RNF152: variants seen among roughly 807,000 people sequenced by gnomAD.
RNF152 encodes E3 ubiquitin-protein ligase RNF152.
RNF152 carries 11 observed loss-of-function variants against 12.7 expected under a neutral mutation model. The observed-to-expected ratio is 0.86, with a 90% CI of 0.54 to 1.43. The LOEUF (loss-of-function observed/expected upper bound fraction) is 1.43, where lower values mean the gene tolerates loss of function less well. RNF152 is among the 40% of genes most tolerant of loss of function. The probability of loss-of-function intolerance (pLI) is 0.00; values close to 1 mark genes in which losing one functional copy is unlikely to be tolerated. For synonymous variants in RNF152, 113 were observed against 120.3 expected, an observed-to-expected ratio of 0.94 and a Z score of 0.40; for missense variants, 255 against 274.8, an observed-to-expected ratio of 0.93 and a Z score of 0.51.
chr18:61,848,249 CCT>C (rs1391313913), intron 1 of RNF152, among the ~76,000 whole-genome samples: 10 of 151,960 alleles, frequency 6.6e-5, no homozygotes, highest in Non-Finnish European at 1.5e-5. Context: ...TCTCCCTCTC[CCT>C]CTCTCTCTGA....
rs1017722329 is a variant in RNF152 at position 61,892,895 on chromosome 18, AT to A, written c.-237del. 6.6e-6 allele frequency: 1 copy of A among 152,250 alleles called. No homozygotes were observed. Among genetic ancestry groups the A allele is most frequent in the Non-Finnish European group, 1.5e-5 (1 of 68,104 alleles). 9.4% of individuals were successfully genotyped at this position (152,250 alleles called of 1,614,324 possible). A position where few individuals can be genotyped will look rare whatever the true frequency, so the allele number is the denominator to read the frequency against. On this transcript the variant is annotated 5_prime_UTR_variant, in exon 1 of 2. Transcript: ENST00000312828. Reference sequence around the variant, plus strand: ...AAGAGGCTGACAGGCAGGAAACACAATTGAGACTGAGCTTTCTTCAGCCTGC... The same window carrying A: ...AAGAGGCTGACAGGCAGGAAACACAATGAGACTGAGCTTTCTTCAGCCTGC...
At chr18:61,836,755 A>G (rs965240385) in intron 1 of RNF152, among the ~76,000 whole-genome samples, 2 of 152,194 alleles carry the variant, frequency 1.3e-5, no homozygotes, top group African/African-American at 4.8e-5. Context: ...CTCCATAGTA[A>G]CACTCAAAGG....
rs1913021330 is a variant in RNF152, at chr18:61,892,811, G to A, written c.-152C>T. 1.3e-5 allele frequency: 2 copies of A among 152,200 alleles called. No individual in the cohort carries two copies. The highest frequency in any genetic ancestry group is 4.1e-4 in the South Asian group (2 of 4,820). 9.4% of individuals were successfully genotyped at this position (152,200 alleles called of 1,614,324 possible). ...GGGGGTTACCTGTATCTGTCACCGA[G>A]TCTCTTTCACCCCTTCTGCGTGATG... is the stretch of plus-strand genomic sequence containing the variant. On this transcript the variant is annotated 5_prime_UTR_variant, in exon 1 of 2. Transcript: ENST00000312828.
At chr18:61,832,500 C>A (rs574099699) in intron 1 of RNF152, among the ~76,000 whole-genome samples, 15 of 152,240 alleles carry the variant, frequency 9.9e-5, no homozygotes, top group African/African-American at 3.6e-4. Context: ...TACGCATACC[C>A]TGTAGAATTA....
In RNF152 at chr18:61,814,252, A is replaced by T. The variant is rs1908956545; in HGVS notation, c.*1600T>A. ...AAATAAATTAAATTGTCTTGACCTC[A>T]CAGGGCTATTTTCTAGCCTTGCTTT... On this transcript the variant is annotated 3_prime_UTR_variant, in exon 2 of 2. Transcript: ENST00000312828. 1.3e-5 allele frequency: 2 copies of T among 152,198 alleles called. No individual in the cohort carries two copies. The highest frequency in any genetic ancestry group is 4.8e-5 in the African/African-American group (2 of 41,458). 9.4% of individuals were successfully genotyped at this position (152,198 alleles called of 1,614,324 possible).
chr18:61,840,615 G>C (rs569206589), intron 1 of RNF152, among the ~76,000 whole-genome samples: 13 of 152,246 alleles, frequency 8.5e-5, no homozygotes, highest in Admixed American at 7.2e-4. Context: ...CAGGGAGCCT[G>C]AGAACTAGTC....
intron 1 of RNF152, among the ~76,000 whole-genome samples, chr18:61,839,683 C>G (rs1008556342): frequency 6.6e-6 from 1 of 152,138 alleles, no homozygotes; most frequent in South Asian, 2.1e-4. Flanking sequence ...ATCACAAGGT[C>G]GGGAGATCGA....
intron 1 of RNF152, chr18:61,890,423 C>G (rs1599333136): frequency 6.6e-6 from 1 of 152,266 alleles, no homozygotes; most frequent in Non-Finnish European, 1.5e-5. Context: ...CTTCCCGATG[C>G]TGCAATGATC....
At chr18:61,863,163 C>T (rs2144720459) in intron 1 of RNF152, among the ~76,000 whole-genome samples, 1 of 152,218 alleles carries the variant, frequency 6.6e-6, no homozygotes, top group East Asian at 1.9e-4. Flanking sequence ...TAGCCAGGCG[C>T]GGTGGCTCAC....
rs552091117 is a variant in RNF152 at position 61,830,025 on chromosome 18, C to CT, written c.-135-13428dup. On this transcript the variant is annotated intron_variant, in intron 1 of 1. Coordinates refer to ENST00000312828, the MANE Select transcript of RNF152 (RefSeq NM_173557.3). ...GTCCCCATCTATTTCCAGAGAGCTTCTTTTTTTTTTTTTTGAGACAGAGTC... is the reference window on the plus strand; with the variant it reads ...GTCCCCATCTATTTCCAGAGAGCTTCTTTTTTTTTTTTTTTGAGACAGAGTC... 6.1e-3 allele frequency among the ~76,000 whole-genome samples: 875 copies of CT among 143,276 alleles called. 8 individuals carry two copies. The highest frequency in any genetic ancestry group is 6.5e-3 in the African/African-American group (256 of 39,084). 94.0% of individuals were successfully genotyped at this position (143,276 alleles called of 152,430 possible). A position where few individuals can be genotyped will look rare whatever the true frequency, so the allele number is the denominator to read the frequency against.
chr18:61,856,741 T>C (rs1000066455), intron 1 of RNF152, among the ~76,000 whole-genome samples: 9 of 151,994 alleles, frequency 5.9e-5, no homozygotes, highest in African/African-American at 2.2e-4. Context: ...AAATGAAAAG[T>C]GGATTCACAG....
Position 61,874,844 on chromosome 18 carries a change from C to G in RNF152, c.-136+17951G>C, listed in dbSNP as rs914941146. Among the ~76,000 whole-genome samples, 4 of 152,230 alleles carry G rather than the reference C, an allele frequency of 2.6e-5. 1 individual carries two copies. Among genetic ancestry groups the G allele is most frequent in the African/African-American group, 9.6e-5 (4 of 41,538 alleles). ...ATTTCCATAGTGTATTTTATTTCAG[C>G]TGGGGTTTTTTACAACTTAGATGAA... On this transcript the variant is annotated intron_variant, in intron 1 of 1. Coordinates refer to ENST00000312828, the MANE Select transcript of RNF152 (RefSeq NM_173557.3).
intron 1 of RNF152, among the ~76,000 whole-genome samples, chr18:61,817,406 C>T (rs1477358121): frequency 6.6e-6 from 1 of 152,200 alleles, no homozygotes; most frequent in Non-Finnish European, 1.5e-5. Flanking sequence ...ATGAACAACA[C>T]AGGTTTGAAC....
At chr18:61,831,187 T>C (rs991194708) in intron 1 of RNF152, among the ~76,000 whole-genome samples, 1 of 152,244 alleles carries the variant, frequency 6.6e-6, no homozygotes, top group African/African-American at 2.4e-5. Flanking sequence ...GAAGCGGTTC[T>C]GTGCACCAGG....
chr18:61,882,023 T>A (rs987559698), intron 1 of RNF152, among the ~76,000 whole-genome samples: 9 of 152,236 alleles, frequency 5.9e-5, no homozygotes, highest in African/African-American at 1.9e-4. Context: ...AAACTACAGT[T>A]GAGCATTCAA....
rs1311952238 is a variant in RNF152, at chr18:61,816,097, G to A, written c.367C>T (p.Pro123Ser). 1 of 1,614,136 alleles carries A rather than the reference G, an allele frequency of 6.2e-7. No individual in the cohort carries two copies. The highest frequency in any genetic ancestry group is 2.2e-5 in the East Asian group (1 of 44,872). Residue 123 changes from proline to serine, a missense_variant, in exon 2 of 2, where the codon CCC becomes TCC. By Grantham distance (74) the Pro-to-Ser change is moderately conservative (BLOSUM62 -1). Transcript: ENST00000312828. ...LPGDMGCRLL[P>S]GSQQKSVTVV... ...GTGACGGACTTCTGCTGGCTCCCGGGCAGCAGGCGGCAGCCCATGTCTCCG... is the reference window on the plus strand; with the variant it reads ...GTGACGGACTTCTGCTGGCTCCCGGACAGCAGGCGGCAGCCCATGTCTCCG...
At chr18:61,847,663 A>G (rs1910794541) in intron 1 of RNF152, among the ~76,000 whole-genome samples, 1 of 152,212 alleles carries the variant, frequency 6.6e-6, no homozygotes, top group Admixed American at 6.5e-5. Context: ...CACTGACAAC[A>G]GTCATGCGTT....
At chr18:61,874,741 T>C (rs1912140471) in intron 1 of RNF152, among the ~76,000 whole-genome samples, 1 of 152,220 alleles carries the variant, frequency 6.6e-6, no homozygotes, top group Non-Finnish European at 1.5e-5. Flanking sequence ...TTTAACTACT[T>C]GGGTTTAGGG....
chr18:61,875,265 G>A lies in RNF152; in HGVS notation c.-136+17530C>T, dbSNP rs535299377. On this transcript the variant is annotated intron_variant, in intron 1 of 1. Transcript: ENST00000312828. ...CCAGATTCCCAATATTCCAGACAGG[G>A]TCCTATATGGAACAGTCCTTAAGCA... 1.1e-3 allele frequency among the ~76,000 whole-genome samples: 172 copies of A among 152,232 alleles called. 2 individuals carry two copies. The highest frequency in any genetic ancestry group is 1.8e-3 in the Non-Finnish European group (122 of 68,010).
Sources: allele counts gnomAD v4.1 joint callset (sites outside exome capture counted in the v4.1 genomes callset), GRCh38; gene constraint gnomAD v4.1.1; transcripts MANE v1.5; gene names NCBI Gene and HGNC (gene_info 2026-07-23, HGNC 2026-07-21).